The following NPIPB2 variants were observed in gnomAD, a reference collection of about 807,000 sequenced individuals.
NPIPB2 encodes nuclear pore complex-interacting protein family member B2.
Under a neutral mutation model 30.8 loss-of-function variants are expected in NPIPB2, and 27 were observed. That is an observed-to-expected ratio of 0.88 (90% CI 0.65 to 1.21). The LOEUF (loss-of-function observed/expected upper bound fraction) is 1.21, where lower values mean the gene tolerates loss of function less well. Ranked by LOEUF, NPIPB2 falls within the 50% of genes most tolerant of loss-of-function variation. The probability of loss-of-function intolerance (pLI) is 0.00; values close to 1 mark genes in which losing one functional copy is unlikely to be tolerated. For synonymous variants in NPIPB2, 147 were observed against 162.0 expected, an observed-to-expected ratio of 0.91 and a Z score of 0.70; for missense variants, 440 against 446.2, an observed-to-expected ratio of 0.99 and a Z score of 0.13.
intron 1 of NPIPB2, among the ~76,000 whole-genome samples, chr16:11,952,838 T>C (rs1015365948): frequency 1.3e-5 from 2 of 152,148 alleles, no homozygotes; most frequent in African/African-American, 4.8e-5. Flanking sequence ...AGTGCTGGGA[T>C]TACAGGTGTC....
At chr16:11,976,511 G>A (rs913539957) in intron 1 of NPIPB2, 45 of 343,160 alleles carry the variant, frequency 1.3e-4, no homozygotes, top group African/African-American at 8.8e-4. Context: ...GGAAGGCAGG[G>A]GAGGCGTCTT....
Position 11,960,429 on chromosome 16 carries a change from T to C in NPIPB2, c.-584+16139A>G, listed in dbSNP as rs190731338. Among the ~76,000 whole-genome samples, 41 of 148,006 alleles carry C rather than the reference T, an allele frequency of 2.8e-4. 2 individuals are homozygous for C. In the East Asian group the frequency reaches 8.2e-3, roughly 30 times the overall value. On this transcript the variant is annotated intron_variant, in intron 1 of 5. Coordinates refer to the NPIPB2 transcript ENST00000538896. ...GAGTGTGCAGTGGCATGATCTCAGC[T>C]CACTGCAACCTCTGCCTCCCAGGTT...
At chr16:11,938,667 G>A (rs1041108059) in intron 1 of NPIPB2, among the ~76,000 whole-genome samples, 7 of 151,426 alleles carry the variant, frequency 4.6e-5, no homozygotes, top group Admixed American at 6.6e-5. Flanking sequence ...TTACAAATTT[G>A]TGTTGAACTG....
Position 11,937,526 on chromosome 16 carries a change from G to C in NPIPB2, c.192+14C>G, listed in dbSNP as rs777069654. On this transcript the variant is annotated intron_variant, in intron 2 of 7. Coordinates refer to ENST00000399147, the Ensembl canonical transcript of NPIPB2. The stretch of plus-strand genomic sequence containing the variant: ...GATTACAAGTATACCTCTACAGAAA[G>C]TTAGTACACTCACCCAAAGGTAAAC... The C allele has an allele frequency of 1.4e-5, 20 of 1,474,544 alleles. No homozygotes were observed. Among genetic ancestry groups the C allele is most frequent in the Non-Finnish European group, 1.9e-5 (20 of 1,067,456 alleles). 91.3% of individuals were successfully genotyped at this position (1,474,544 alleles called of 1,614,324 possible).
At position 11,937,367 on chromosome 16, in the gene NPIPB2, T is replaced by A. The variant is rs183974231; in HGVS notation, c.192+173A>T. 2.6e-5 allele frequency among the ~76,000 whole-genome samples: 4 copies of A among 152,362 alleles called. No homozygotes were observed. The East Asian group carries it at 7.7e-4, about 29-fold the overall frequency. On this transcript the variant is annotated intron_variant, in intron 2 of 7. Coordinates refer to ENST00000399147, the Ensembl canonical transcript of NPIPB2. ...TAAACAAACACTGACCTATTTAATT[T>A]TCATAATGTAAATGGCAGATATTTT...
In NPIPB2 at chr16:11,950,098, T is replaced by A. The variant is rs148519969; in HGVS notation, c.-583-7984A>T. Among the ~76,000 whole-genome samples, 3 of 152,282 alleles carry A rather than the reference T, an allele frequency of 2.0e-5. No individual in the cohort carries two copies. The East Asian group carries it at 5.8e-4, about 29-fold the overall frequency. The stretch of plus-strand genomic sequence containing the variant: ...TCACCCAGGCTGCAGTGCAGTGGCA[T>A]GATCTTGGCTCATTGTAGCCACCTC... On this transcript the variant is annotated intron_variant, in intron 1 of 5. Coordinates refer to the NPIPB2 transcript ENST00000538896.
intron 1 of NPIPB2, among the ~76,000 whole-genome samples, chr16:11,954,510 G>A (rs903346254): frequency 6.0e-5 from 9 of 149,992 alleles, no homozygotes; most frequent in African/African-American, 2.2e-4. Flanking sequence ...AAAAAAGAAT[G>A]TTAACTTTAA....
exon 8 of NPIPB2, chr16:11,927,433 T>C (rs2054733390): frequency 8.4e-7 from 1 of 1,197,602 alleles, no homozygotes; most frequent in East Asian, 2.5e-5. Flanking sequence ...TGGGCTCGGG[T>C]GATGATGGTT....
intron 1 of NPIPB2, among the ~76,000 whole-genome samples, chr16:11,964,312 C>G (rs1328525558): frequency 1.3e-5 from 2 of 152,018 alleles, no homozygotes; most frequent in East Asian, 3.8e-4. Flanking sequence ...CCAAACCTAT[C>G]TTCCTCTCAG....
chr16:11,961,778 TA>T (rs760800876), intron 1 of NPIPB2, among the ~76,000 whole-genome samples: 1,812 of 125,460 alleles, frequency 0.014, 16 homozygotes, highest in Admixed American at 0.024. Flanking sequence ...AGACCCTGTT[TA>T]AAAAAAAAAA....
At chr16:11,965,900 G>A (rs748215346) in intron 1 of NPIPB2, among the ~76,000 whole-genome samples, 13 of 152,186 alleles carry the variant, frequency 8.5e-5, no homozygotes, top group South Asian at 2.1e-4. Flanking sequence ...ACCTGAGGTC[G>A]GCAGTTTGAG....
intron 1 of NPIPB2, chr16:11,967,474 C>A: frequency 7.7e-7 from 1 of 1,294,812 alleles, no homozygotes; most frequent in Non-Finnish European, 1.1e-6. Flanking sequence ...AAAAATCTCT[C>A]TCACATTGCT....
At chr16:11,934,107 T>C (rs1183324669) in intron 2 of NPIPB2, among the ~76,000 whole-genome samples, 183 bp from the exon 3 acceptor site, 3 of 151,676 alleles carry the variant, frequency 2.0e-5, no homozygotes, top group African/African-American at 4.8e-5. Flanking sequence ...AGCGGGCGCC[T>C]GTAATCCGAG....
upstream of NPIPB2, among the ~76,000 whole-genome samples, chr16:11,945,134 C>T (rs9940488): frequency 0.064 from 9,701 of 151,980 alleles, 373 homozygotes; most frequent in Middle Eastern, 0.099. Context: ...TTGCGGTGGC[C>T]GAGATCACGC....
At chr16:11,944,728 C>A (rs531106176), upstream of NPIPB2, among the ~76,000 whole-genome samples, 13 of 65,156 alleles carry the variant, frequency 2.0e-4, no homozygotes, top group African/African-American at 5.1e-4. Context: ...ACACAGACTC[C>A]GTGTCAAAAA....
exon 4 of NPIPB2, chr16:11,933,604 C>A (rs1332185105): frequency 1.4e-6 from 2 of 1,468,364 alleles, no homozygotes; most frequent in Non-Finnish European, 8.9e-7. Flanking sequence ...TTTAGCTCTA[C>A]CTTTTGTTTC....
At chr16:11,951,663 C>CAG (rs1567473684) in intron 1 of NPIPB2, among the ~76,000 whole-genome samples, 6 of 148,686 alleles carry the variant, frequency 4.0e-5, no homozygotes, top group African/African-American at 9.9e-5. Flanking sequence ...CACACACACA[C>CAG]ACACCCAGCC....
chr16:11,967,494 G>T, intron 1 of NPIPB2: 1 of 1,426,866 alleles, frequency 7.0e-7, no homozygotes, highest in Non-Finnish European at 9.6e-7. Context: ...TTTGAGTCCC[G>T]ATGTGTACTG....
chr16:11,961,520 C>T (rs906096671), intron 1 of NPIPB2, among the ~76,000 whole-genome samples: 4 of 152,138 alleles, frequency 2.6e-5, no homozygotes, highest in Non-Finnish European at 5.9e-5. Context: ...TGGCTCACGC[C>T]TATAATCCTA....
Sources: allele counts gnomAD v4.1 joint callset (sites outside exome capture counted in the v4.1 genomes callset), GRCh38; gene constraint gnomAD v4.1.1; transcripts MANE v1.5; gene names NCBI Gene and HGNC (gene_info 2026-07-23, HGNC 2026-07-21).